PI4KA: variants seen among roughly 807,000 people sequenced by gnomAD.
The protein encoded by PI4KA is phosphatidylinositol 4-kinase alpha.
PI4KA carries 122 observed loss-of-function variants against 271.4 expected under a neutral mutation model. That is an observed-to-expected ratio of 0.45 (90% confidence interval 0.39 to 0.52). The LOEUF is 0.52. PI4KA is among the 20% of genes least tolerant of loss of function. The pLI is 0.00. For synonymous variants in PI4KA, 1,041 were observed against 1,078.8 expected (o/e 0.96, Z 0.69); for missense variants, 1,969 against 2,769.1 (o/e 0.71, Z 6.48).
chr22:20,722,549 G>GGT (rs1926864889), intron 42 of PI4KA, among the ~76,000 whole-genome samples: 1 of 152,134 alleles, frequency 6.6e-6, no homozygotes, highest in South Asian at 2.1e-4. Flanking sequence ...ACCATCCTAA[G>GGT]GACCTATCCT....
intron 19 of PI4KA, chr22:20,779,397 G>C: frequency 1.2e-6 from 2 of 1,614,236 alleles, no homozygotes; most frequent in Non-Finnish European, 1.7e-6. Flanking sequence ...GGATCAGCTA[G>C]AGAAAGGAGG....
chr22:20,850,493 G>C (rs1219906338), intron 1 of PI4KA, among the ~76,000 whole-genome samples: 1 of 151,884 alleles, frequency 6.6e-6, no homozygotes, highest in Non-Finnish European at 1.5e-5. Flanking sequence ...ACCCAGGCTG[G>C]AGTGCAGTGG....
intron 30 of PI4KA, 123 bp from the exon 31 acceptor site, chr22:20,742,887 T>C: frequency 1.3e-6 from 1 of 770,614 alleles, no homozygotes; most frequent in Non-Finnish European, 2.2e-6. Flanking sequence ...AAAGTGGAGC[T>C]CATGCATGCA....
intron 1 of PI4KA, among the ~76,000 whole-genome samples, chr22:20,846,686 T>C (rs925953689): frequency 3.3e-5 from 5 of 150,632 alleles, no homozygotes; most frequent in African/African-American, 1.2e-4. Flanking sequence ...CTACTAAAAA[T>C]ACAAAAATTA....
At chr22:20,744,532 G>A (rs554322222) in intron 30 of PI4KA, 96 bp downstream of exon 30, 43 of 791,116 alleles carry the variant, frequency 5.4e-5, no homozygotes, top group African/African-American at 4.8e-4. Flanking sequence ...CCACATCACC[G>A]GGACGCTTTG....
At chr22:20,710,238 C>T in intron 52 of PI4KA, 1 of 592,894 alleles carries the variant, frequency 1.7e-6, no homozygotes, top group Non-Finnish European at 3.1e-6. Context: ...CCCTGTCCCC[C>T]ACATAAGGCT....
intron 2 of PI4KA, among the ~76,000 whole-genome samples, chr22:20,836,503 G>A (rs1924888576): frequency 6.6e-6 from 1 of 152,226 alleles, no homozygotes; most frequent in Non-Finnish European, 1.5e-5. Context: ...AGTGGCTCCA[G>A]GTGGCTCTTT....
Position 20,811,447 on chromosome 22 carries a change from C to T in PI4KA, c.1006-415G>A, listed in dbSNP as rs540509853. On this transcript the variant is annotated intron_variant, in intron 8 of 54. Coordinates refer to ENST00000255882, the MANE Select transcript of PI4KA (RefSeq NM_058004.4). ...CAGCCAGTCCTTGGAGCTCATGGCACCTCCTTCCTCTCCGGGCCAGGTGCA... is the reference window on the plus strand; with the variant it reads ...CAGCCAGTCCTTGGAGCTCATGGCATCTCCTTCCTCTCCGGGCCAGGTGCA... Among the ~76,000 whole-genome samples the T allele has an allele frequency of 2.0e-5, 3 of 152,260 alleles. No individual in the cohort carries two copies. In the South Asian group the frequency reaches 6.2e-4, roughly 32 times the overall value.
chr22:20,819,040 C>T (rs1287482306), intron 6 of PI4KA, among the ~76,000 whole-genome samples: 6 of 152,146 alleles, frequency 3.9e-5, no homozygotes, highest in Non-Finnish European at 2.9e-5. Flanking sequence ...GGGACCAGAG[C>T]AAATCAGAGG....
chr22:20,719,933 G>A (rs1015803890), intron 43 of PI4KA, among the ~76,000 whole-genome samples: 2 of 151,386 alleles, frequency 1.3e-5, no homozygotes, highest in Admixed American at 1.3e-4. Context: ...GGCTGAGGCA[G>A]GAGAATGGCG....
chr22:20,764,926 T>C lies in PI4KA; in HGVS notation c.2599A>G (p.Thr867Ala). 9.9e-6 allele frequency: 16 copies of C among 1,611,638 alleles called. No individual in the cohort carries two copies. The highest frequency in any genetic ancestry group is 1.4e-5 in the Non-Finnish European group (16 of 1,178,252). ...GGGGGGTCCAGCAGGTTGATGATAG[T>C]GCTGCGGAGCTCACTCAGCTCAGCC... ...TPAELSELRS[T>A]IINLLDPPPE... The change falls in exon 22 of 55, where the codon ACT becomes GCT. Residue 867 changes from threonine (T) to alanine (A), a missense_variant. By Grantham distance (58) the Thr-to-Ala change is moderately conservative (BLOSUM62 0). Coordinates refer to ENST00000255882, the MANE Select transcript of PI4KA (RefSeq NM_058004.4).
intron 40 of PI4KA, 73 bp downstream of exon 40, chr22:20,727,701 T>C: frequency 8.6e-7 from 1 of 1,157,336 alleles, no homozygotes; most frequent in Non-Finnish European, 1.3e-6. Flanking sequence ...CATTTCTAGT[T>C]TCAGGCATTT....
chr22:20,747,825 C>T, intron 28 of PI4KA, 123 bp from the exon 29 acceptor site: 1 of 876,516 alleles, frequency 1.1e-6, no homozygotes, highest in Non-Finnish European at 1.7e-6. Flanking sequence ...GCCTCGACCT[C>T]TTAGACTCAA....
intron 19 of PI4KA, among the ~76,000 whole-genome samples, chr22:20,790,956 T>C (rs1028728674): frequency 3.3e-5 from 5 of 152,190 alleles, no homozygotes; most frequent in African/African-American, 9.7e-5. Flanking sequence ...TAAATGAGCA[T>C]GTGCTAAGCT....
At chr22:20,817,822 T>C (rs746765586) in intron 7 of PI4KA, among the ~76,000 whole-genome samples, 3 of 136,598 alleles carry the variant, frequency 2.2e-5, no homozygotes, top group Non-Finnish European at 3.1e-5. Context: ...ACATACTTAA[T>C]GTCATTAAAA....
intron 4 of PI4KA, among the ~76,000 whole-genome samples, chr22:20,821,963 A>C (rs940299415): frequency 5.9e-5 from 9 of 152,336 alleles, no homozygotes; most frequent in African/African-American, 1.9e-4. Flanking sequence ...CTGCCTGGGC[A>C]AAGTAGCAAA....
intron 7 of PI4KA, among the ~76,000 whole-genome samples, chr22:20,815,739 A>G (rs1310419141): frequency 6.6e-6 from 1 of 152,080 alleles, no homozygotes; most frequent in Non-Finnish European, 1.5e-5. Context: ...GGGAGGGAGA[A>G]ACAGCCGGAT....
chr22:20,822,914 AT>A (rs1235820421), intron 4 of PI4KA, among the ~76,000 whole-genome samples: 1 of 152,060 alleles, frequency 6.6e-6, no homozygotes, highest in Non-Finnish European at 1.5e-5. Context: ...TAGTTTTTCC[AT>A]TTTATTTATT....
intron 3 of PI4KA, among the ~76,000 whole-genome samples, chr22:20,826,874 G>A (rs757982141): frequency 4.0e-5 from 6 of 148,408 alleles, no homozygotes; most frequent in East Asian, 2.0e-4. Flanking sequence ...GTATCTATTC[G>A]TCCTTGGCTC....
Sources: allele counts gnomAD v4.1 joint callset (sites outside exome capture counted in the v4.1 genomes callset), GRCh38; gene constraint gnomAD v4.1.1; transcripts MANE v1.5; gene names NCBI Gene and HGNC (gene_info 2026-07-23, HGNC 2026-07-21).